Variants in THSD7B observed in about 807,000 individuals in gnomAD.
THSD7B encodes the protein thrombospondin type-1 domain-containing protein 7B.
A neutral mutation model predicts 213.6 loss-of-function variants in THSD7B; 138 were observed. That is an observed-to-expected ratio of 0.65 (90% CI 0.56 to 0.74). The LOEUF (loss-of-function observed/expected upper bound fraction) is 0.74. Ranked by LOEUF, THSD7B falls within the 30% of genes least tolerant of loss-of-function variation. The pLI is 0.00. For missense variants in THSD7B, 1,931 were observed against 1,991.5 expected, an observed-to-expected ratio of 0.97 and a Z score of 0.58; for synonymous variants, 742 against 687.0, an observed-to-expected ratio of 1.08 and a Z score of -1.25.
chr2:137,556,741 A>G (rs1680978771), intron 15 of THSD7B, among the ~76,000 whole-genome samples: 1 of 152,234 alleles, frequency 6.6e-6, no homozygotes, highest in Non-Finnish European at 1.5e-5. Context: ...TAAAAGACAC[A>G]GACTGGCAAA....
chr2:137,566,774 G>T (rs1681246527), intron 16 of THSD7B, among the ~76,000 whole-genome samples: 1 of 152,102 alleles, frequency 6.6e-6, no homozygotes, highest in Non-Finnish European at 1.5e-5. Flanking sequence ...GATTATAATA[G>T]CAGTAGAGAA....
chr2:137,478,898 G>A lies in THSD7B; in HGVS notation c.3138+27875G>A, dbSNP rs79717551. Among the ~76,000 whole-genome samples the A allele has an allele frequency of 2.0e-5, 3 of 152,192 alleles. 1 individual carries two copies. Among genetic ancestry groups the A allele is most frequent in the Non-Finnish European group, 4.4e-5 (3 of 68,038 alleles). On this transcript the variant is annotated intron_variant, in intron 15 of 27. Coordinates refer to ENST00000409968, the MANE Select transcript of THSD7B (RefSeq NM_001316349.2). ...TTAGTGGAGTCTGTGGTGAAAATTT[G>A]CTGGTGACAGGGATGTCAAGTAGGC...
intron 7 of THSD7B, among the ~76,000 whole-genome samples, chr2:137,227,366 G>C (rs1414126770): frequency 1.3e-5 from 2 of 152,132 alleles, no homozygotes; most frequent in African/African-American, 2.4e-5. Context: ...TGAGTGCTGG[G>C]AATAATTTTA....
chr2:137,220,071 ACT>A (rs1681334577), intron 7 of THSD7B, among the ~76,000 whole-genome samples: 1 of 152,032 alleles, frequency 6.6e-6, no homozygotes, highest in African/African-American at 2.4e-5. Flanking sequence ...AGAAGTTTCA[ACT>A]CTCTTTTTTT....
intron 1 of THSD7B, among the ~76,000 whole-genome samples, chr2:136,806,600 G>A (rs1682285923): frequency 6.6e-6 from 1 of 152,134 alleles, no homozygotes; most frequent in Non-Finnish European, 1.5e-5. Context: ...TGCGAAGATA[G>A]TACAAAGAGT....
chr2:136,942,591 T>A (rs1684847368), intron 2 of THSD7B, among the ~76,000 whole-genome samples: 1 of 152,156 alleles, frequency 6.6e-6, no homozygotes, highest in Non-Finnish European at 1.5e-5. Flanking sequence ...GATTCCTAGG[T>A]ATTTTATTCT....
intron 2 of THSD7B, among the ~76,000 whole-genome samples, chr2:136,963,900 A>T (rs1176610179): frequency 3.9e-5 from 6 of 152,234 alleles, no homozygotes; most frequent in Non-Finnish European, 8.8e-5. Context: ...AGATTAGGCC[A>T]CATGAAACTC....
rs560199627 is a variant in THSD7B, at chr2:137,584,175, T to C, written c.3423+11619T>C. 2.0e-5 allele frequency among the ~76,000 whole-genome samples: 3 copies of C among 149,362 alleles called. No homozygotes were observed. The East Asian group carries it at 6.0e-4, about 30-fold the overall frequency. ...GCTGTATAGGAATGCTTGTGATTTT[T>C]GCACATTGATTTTGTATCCTGAGAC... On this transcript the variant is annotated intron_variant, in intron 17 of 27. Transcript: ENST00000409968.
rs145871227 is a variant in THSD7B, at chr2:137,207,333, C to T, written c.1724-23711C>T. On this transcript the variant is annotated intron_variant, in intron 7 of 27. Transcript: ENST00000409968. Reference sequence around the variant, plus strand: ...CATCATTGCTCAGATCTAGGTCTTTCTGGTGCAAAGCTTGGCTCATTCACT... The same window carrying T: ...CATCATTGCTCAGATCTAGGTCTTTTTGGTGCAAAGCTTGGCTCATTCACT... Among the ~76,000 whole-genome samples the T allele has an allele frequency of 7.9e-4, 120 of 152,146 alleles. 1 individual carries two copies. The South Asian group carries it at 0.011, about 14-fold the overall frequency.
At chr2:137,398,886 G>A (rs1275865831) in intron 12 of THSD7B, among the ~76,000 whole-genome samples, 2 of 152,196 alleles carry the variant, frequency 1.3e-5, no homozygotes, top group African/African-American at 4.8e-5. Flanking sequence ...TTTTAAGCCT[G>A]TCAGAAAAGC....
At chr2:137,379,334 G>T (rs1233120444) in intron 12 of THSD7B, among the ~76,000 whole-genome samples, 1 of 152,148 alleles carries the variant, frequency 6.6e-6, no homozygotes, top group African/African-American at 2.4e-5. Flanking sequence ...CTTTGCATAT[G>T]GTACTTACGA....
At chr2:137,395,547 C>T (rs934567778) in intron 12 of THSD7B, among the ~76,000 whole-genome samples, 9 of 151,872 alleles carry the variant, frequency 5.9e-5, no homozygotes, top group Non-Finnish European at 1.3e-4. Context: ...TTTTGATGTG[C>T]TGCTGGATTT....
At chr2:137,006,759 C>T (rs1686121987) in intron 2 of THSD7B, among the ~76,000 whole-genome samples, 1 of 152,166 alleles carries the variant, frequency 6.6e-6, no homozygotes, top group East Asian at 1.9e-4. Context: ...TTACACTTGA[C>T]AAAGTGCTTT....
chr2:136,842,331 G>C (rs1682932735), intron 1 of THSD7B, among the ~76,000 whole-genome samples: 1 of 152,162 alleles, frequency 6.6e-6, no homozygotes, highest in South Asian at 2.1e-4. Flanking sequence ...TGTGTTCTTT[G>C]TTCCTTGTCC....
chr2:137,668,667 C>A (rs1683498866), intron 27 of THSD7B, among the ~76,000 whole-genome samples: 1 of 152,112 alleles, frequency 6.6e-6, no homozygotes, highest in Admixed American at 6.6e-5. Context: ...CCCCCAAAAC[C>A]TGACTACTAA....
At chr2:137,267,760 G>A (rs897145608) in intron 10 of THSD7B, among the ~76,000 whole-genome samples, 1 of 152,192 alleles carries the variant, frequency 6.6e-6, no homozygotes, top group African/African-American at 2.4e-5. Context: ...GCATGGATCT[G>A]ACATAGATTA....
rs1417825056 is a variant in THSD7B, at chr2:136,850,704, AT to A, written c.-35-31435del. Among the ~76,000 whole-genome samples the A allele has an allele frequency of 3.3e-5, 5 of 152,016 alleles. No individual in the cohort carries two copies. In the East Asian group the frequency reaches 9.7e-4, roughly 29 times the overall value. ...AATGAATACAGGATAGTTTCTACCT[AT>A]TTTTAAGCAAAAATAATTATTTTAT... On this transcript the variant is annotated intron_variant, in intron 1 of 27. Coordinates refer to ENST00000409968, the MANE Select transcript of THSD7B (RefSeq NM_001316349.2).
chr2:137,373,290 T>C (rs1685574010), intron 12 of THSD7B, among the ~76,000 whole-genome samples: 1 of 152,200 alleles, frequency 6.6e-6, no homozygotes, highest in Non-Finnish European at 1.5e-5. Flanking sequence ...TCCACAATGG[T>C]TGAACTAGTT....
At chr2:137,067,492 A>G (rs563822744) in intron 3 of THSD7B, among the ~76,000 whole-genome samples, 100 of 151,964 alleles carry the variant, frequency 6.6e-4, no homozygotes, top group Middle Eastern at 6.8e-3. Context: ...GAAACAAGCA[A>G]TTTTTTCCAT....
Sources: allele counts gnomAD v4.1 joint callset (sites outside exome capture counted in the v4.1 genomes callset), GRCh38; gene constraint gnomAD v4.1.1; transcripts MANE v1.5; gene names NCBI Gene and HGNC (gene_info 2026-07-23, HGNC 2026-07-21).